SCUBE1: variants seen among roughly 807,000 people sequenced by gnomAD.
The protein encoded by SCUBE1 is signal peptide, CUB and EGF-like domain-containing protein 1.
A neutral mutation model predicts 124.4 loss-of-function variants in SCUBE1; 59 were observed. The ratio of observed to expected loss-of-function variants is 0.47; its 90% CI spans 0.38 to 0.59. SCUBE1 has a LOEUF of 0.59. SCUBE1 is among the 20% of genes least tolerant of loss of function. The pLI is 0.00. For synonymous variants in SCUBE1, 545 were observed against 550.9 expected, an observed-to-expected ratio of 0.99 and a Z score of 0.15; for missense variants, 1,150 against 1,371.2, an observed-to-expected ratio of 0.84 and a Z score of 2.55.
In SCUBE1 at chr22:43,203,796, G is replaced by A. The variant is rs931172181; in HGVS notation, c.*201C>T. ...AAGGGAGGCAGAGGGAGGGAGGGAG[G>A]CTTCCTGAAGCAGGGTGCTCCCACA... On this transcript the variant is annotated 3_prime_UTR_variant, in exon 22 of 22. Transcript: ENST00000360835. 7.1e-6 allele frequency: 4 copies of A among 563,818 alleles called. No homozygotes were observed. Among genetic ancestry groups the A allele is most frequent in the African/African-American group, 1.9e-5 (1 of 52,356 alleles). 34.9% of individuals were successfully genotyped at this position (563,818 alleles called of 1,614,324 possible). A position where few individuals can be genotyped will look rare whatever the true frequency, so the allele number is the denominator to read the frequency against.
At chr22:43,217,679 C>T (rs774114699) in intron 15 of SCUBE1, among the ~76,000 whole-genome samples, 4 of 152,196 alleles carry the variant, frequency 2.6e-5, no homozygotes, top group African/African-American at 7.2e-5. Flanking sequence ...ATCTTCCGCA[C>T]GGGCATGTGA....
At chr22:43,273,021 C>T (rs1924352841) in intron 4 of SCUBE1, among the ~76,000 whole-genome samples, 1 of 152,224 alleles carries the variant, frequency 6.6e-6, no homozygotes, top group Non-Finnish European at 1.5e-5. Flanking sequence ...AGGACTGCTG[C>T]CCTTGACCTT....
chr22:43,294,494 T>C (rs930108459), intron 3 of SCUBE1, among the ~76,000 whole-genome samples: 15 of 152,188 alleles, frequency 9.9e-5, no homozygotes, highest in African/African-American at 3.4e-4. Flanking sequence ...CAAGAGGTGC[T>C]GTGAGCCCAG....
Position 43,223,356 on chromosome 22 carries a change from C to A in SCUBE1, c.1208-140G>T, listed in dbSNP as rs1418849184. On this transcript the variant is annotated intron_variant, in intron 10 of 21. Transcript: ENST00000360835. Reference sequence around the variant, plus strand: ...CTGGGCTGGCTTGGTGGGAAGGCGCCTGGAGATCGCAGGTCCCTTGGGCGT... The same window carrying A: ...CTGGGCTGGCTTGGTGGGAAGGCGCATGGAGATCGCAGGTCCCTTGGGCGT... 2.7e-5 allele frequency: 25 copies of A among 928,006 alleles called. No individual in the cohort carries two copies. In the Admixed American group the frequency reaches 7.8e-4, roughly 29 times the overall value. 57.5% of individuals were successfully genotyped at this position (928,006 alleles called of 1,614,324 possible).
chr22:43,237,110 G>A (rs567045946), intron 7 of SCUBE1, among the ~76,000 whole-genome samples: 1 of 151,906 alleles, frequency 6.6e-6, no homozygotes, highest in African/African-American at 2.4e-5. Flanking sequence ...GGTGGGGTGG[G>A]GGGGGTTGGG....
intron 9 of SCUBE1, 129 bp downstream of exon 9, chr22:43,228,943 C>T (rs756308622): frequency 3.2e-5 from 22 of 684,010 alleles, no homozygotes; most frequent in Non-Finnish European, 4.9e-5. Flanking sequence ...CCAGGAGTCC[C>T]CATCCTTGCT....
chr22:43,246,612 T>C (rs551157596), intron 6 of SCUBE1, among the ~76,000 whole-genome samples: 4 of 152,204 alleles, frequency 2.6e-5, no homozygotes, highest in African/African-American at 4.8e-5. Flanking sequence ...TGAGCTTCGG[T>C]TTCCTTATCT....
intron 4 of SCUBE1, among the ~76,000 whole-genome samples, chr22:43,273,158 C>T (rs1298169007): frequency 6.6e-6 from 1 of 152,228 alleles, no homozygotes; most frequent in African/African-American, 2.4e-5. Context: ...CAGTTTGAGA[C>T]CCAGTCACTG....
At chr22:43,284,049 C>T (rs1387232572) in intron 4 of SCUBE1, among the ~76,000 whole-genome samples, 2 of 152,238 alleles carry the variant, frequency 1.3e-5, no homozygotes, top group African/African-American at 2.4e-5. Context: ...TCAGCAAGCC[C>T]GAGCCCGCAG....
intron 2 of SCUBE1, among the ~76,000 whole-genome samples, chr22:43,333,782 T>A (rs1007590045): frequency 1.3e-5 from 2 of 152,232 alleles, no homozygotes; most frequent in Non-Finnish European, 1.5e-5. Flanking sequence ...ATCAACTGTG[T>A]AACCTTTGGC....
intron 7 of SCUBE1, among the ~76,000 whole-genome samples, chr22:43,233,140 G>A (rs545902906): frequency 4.6e-5 from 7 of 152,298 alleles, no homozygotes; most frequent in South Asian, 2.1e-4. Flanking sequence ...TGAGGCGGGC[G>A]GATCACCTGA....
In SCUBE1 at chr22:43,202,922, C is replaced by G. The variant is rs1233089338; in HGVS notation, c.*1075G>C. On this transcript the variant is annotated 3_prime_UTR_variant, in exon 22 of 22. Transcript: ENST00000360835. ...AGCAAGGCCTTGTTTCCTGCTGACA[C>G]CTGGGCATAGTACGGACCCCAAGGT... The G allele has an allele frequency of 1.3e-5, 2 of 152,310 alleles. No homozygotes were observed. The highest frequency in any genetic ancestry group is 2.9e-5 in the Non-Finnish European group (2 of 68,128). The allele number at this position is 152,310 out of a possible 1,614,324, so 9.4% of individuals were successfully genotyped here. A position where few individuals can be genotyped will look rare whatever the true frequency, so the allele number is the denominator to read the frequency against.
At chr22:43,209,389 T>C (rs1267023723) in intron 19 of SCUBE1, among the ~76,000 whole-genome samples, 3 of 152,274 alleles carry the variant, frequency 2.0e-5, no homozygotes, top group Non-Finnish European at 4.4e-5. Context: ...GCTGCAGGTA[T>C]TTGGCTGGTG....
rs571070999 is a variant in SCUBE1, at chr22:43,198,098, C to T, written c.*5899G>A. The T allele has an allele frequency of 1.8e-4, 29 of 163,160 alleles. No individual in the cohort carries two copies. The highest frequency in any genetic ancestry group is 6.5e-4 in the Admixed American group (11 of 17,030). 10.1% of individuals were successfully genotyped at this position (163,160 alleles called of 1,614,324 possible). Reference sequence around the variant, plus strand: ...TGGTCTCCCAGAGCCTTCATTTCCACATCTGAAGAATGGTCTTAACCCCAC... The same window carrying T: ...TGGTCTCCCAGAGCCTTCATTTCCATATCTGAAGAATGGTCTTAACCCCAC... On this transcript the variant is annotated 3_prime_UTR_variant, in exon 22 of 22. Transcript: ENST00000360835.
intron 3 of SCUBE1, among the ~76,000 whole-genome samples, chr22:43,304,215 CG>C (rs1569022399): frequency 6.6e-6 from 1 of 152,244 alleles, no homozygotes; most frequent in Non-Finnish European, 1.5e-5. Context: ...TCTGCACTTG[CG>C]GTGGCCTCAT....
At chr22:43,336,900 G>A (rs971516538) in intron 2 of SCUBE1, among the ~76,000 whole-genome samples, 1 of 152,116 alleles carries the variant, frequency 6.6e-6, no homozygotes, top group Non-Finnish European at 1.5e-5. Flanking sequence ...CTGAGCTGGG[G>A]CTCACAAACA....
chr22:43,334,100 A>G lies in SCUBE1; in HGVS notation c.220+5004T>C, dbSNP rs539780139. 3.9e-5 allele frequency among the ~76,000 whole-genome samples: 6 copies of G among 152,184 alleles called. No individual in the cohort carries two copies. The South Asian group carries it at 1.2e-3, about 32-fold the overall frequency. On this transcript the variant is annotated intron_variant, in intron 2 of 21. Transcript: ENST00000360835. Reference sequence around the variant, plus strand: ...CCAACCCCAGCCTTGGCAGAACCCTACTCCAGCTCAGGACCTGCAGATGCA... The same window carrying G: ...CCAACCCCAGCCTTGGCAGAACCCTGCTCCAGCTCAGGACCTGCAGATGCA...
At position 43,307,134 on chromosome 22, in the gene SCUBE1, C is replaced by T. The variant is rs191052058; in HGVS notation, c.349+12803G>A. Among the ~76,000 whole-genome samples the T allele has an allele frequency of 1.6e-3, 244 of 152,348 alleles. 1 individual carries two copies. The highest frequency in any genetic ancestry group is 5.4e-4 in the Non-Finnish European group (37 of 68,040). ...CTTGGCCAATCCAGAGCTCAGCACT[C>T]GAGGAATTCCCAAGGAAGGAAGAGA... is the stretch of plus-strand genomic sequence containing the variant. On this transcript the variant is annotated intron_variant, in intron 3 of 21. Coordinates refer to ENST00000360835, the MANE Select transcript of SCUBE1 (RefSeq NM_173050.5).
At chr22:43,328,556 A>T (rs891904608) in intron 2 of SCUBE1, among the ~76,000 whole-genome samples, 1 of 152,186 alleles carries the variant, frequency 6.6e-6, no homozygotes, top group Admixed American at 6.5e-5. Flanking sequence ...TGGATCCTAG[A>T]GCACCCTGGA....
Sources: gnomAD v4.1 joint callset for allele counts (sites outside exome capture counted in the v4.1 genomes callset) on GRCh38, gnomAD v4.1.1 for gene constraint, MANE v1.5 for transcripts, NCBI Gene and HGNC (gene_info 2026-07-23, HGNC 2026-07-21) for gene names.